ACSM1: variants seen among roughly 807,000 people sequenced by gnomAD.
ACSM1 encodes the protein acyl-CoA synthetase medium chain family member 1.
A neutral mutation model predicts 75.8 loss-of-function variants in ACSM1; 79 were observed. The ratio of observed to expected loss-of-function variants is 1.04; its 90% CI spans 0.87 to 1.26. The LOEUF (loss-of-function observed/expected upper bound fraction) is 1.26. ACSM1 is among the 50% of genes most tolerant of loss of function. The probability of loss-of-function intolerance (pLI) is 0.00; values close to 1 mark genes in which losing one functional copy is unlikely to be tolerated. For synonymous variants in ACSM1, 279 were observed against 265.8 expected, an observed-to-expected ratio of 1.05 and a Z score of -0.48; for missense variants, 676 against 720.1, an observed-to-expected ratio of 0.94 and a Z score of 0.70.
In ACSM1 at chr16:20,682,309, G is replaced by T. The variant is rs2079462838; in HGVS notation, c.558C>A (p.Leu186=). The T allele has an allele frequency of 1.9e-6, 3 of 1,613,914 alleles. No individual in the cohort carries two copies. Among genetic ancestry groups the T allele is most frequent in the Non-Finnish European group, 2.5e-6 (3 of 1,179,992 alleles). ...CTTCACGGCTGTGATCAGACACCAG[G>T]AGCTTGGTTTTCAGAGAGGGGCACT... is the stretch of plus-strand genomic sequence containing the variant. ...ASQCPSLKTK[L]LVSDHSREGW... is the part of the protein sequence containing the mutation. Residue 186 remains leucine (L), a synonymous_variant, in exon 4 of 14, where the codon CTC becomes CTA. Transcript: ENST00000520010.
At chr16:20,644,825 G>A (rs1478017501) in intron 7 of ACSM1, among the ~76,000 whole-genome samples, 1 of 152,214 alleles carries the variant, frequency 6.6e-6, no homozygotes, top group South Asian at 2.1e-4. Flanking sequence ...TTTGCTAAAA[G>A]TTAACGGTGT....
chr16:20,676,342 A>G (rs1292894684), intron 4 of ACSM1, among the ~76,000 whole-genome samples: 3 of 152,204 alleles, frequency 2.0e-5, no homozygotes, highest in African/African-American at 7.2e-5. Flanking sequence ...AGAAAAAGGC[A>G]ACCAATATAA....
intron 7 of ACSM1, among the ~76,000 whole-genome samples, chr16:20,660,245 C>G (rs2152255186): frequency 6.6e-6 from 1 of 152,260 alleles, no homozygotes; most frequent in South Asian, 2.1e-4. Context: ...AAAACAATCA[C>G]AAAATAATAA....
chr16:20,672,825 AAT>A (rs1324237401), intron 4 of ACSM1, among the ~76,000 whole-genome samples: 1 of 127,690 alleles, frequency 7.8e-6, no homozygotes, highest in Non-Finnish European at 1.5e-5. Flanking sequence ...TATATTATAT[AAT>A]ATATAAAAAT....
chr16:20,624,323 G>A, intron 12 of ACSM1, 108 bp from the exon 13 acceptor site: 1 of 1,327,292 alleles, frequency 7.5e-7, no homozygotes, highest in South Asian at 1.5e-5. Flanking sequence ...GAACCCTACA[G>A]TGTTTTGGAA....
At chr16:20,678,051 A>ATAAATAAATAAAT (rs1752444851) in intron 4 of ACSM1, among the ~76,000 whole-genome samples, 2 of 92,516 alleles carry the variant, frequency 2.2e-5, no homozygotes, top group African/African-American at 1.3e-4. Flanking sequence ...AATGAGACAA[A>ATAAATAAATAAAT]GAGGCAAAGC....
At chr16:20,627,366 A>T in intron 10 of ACSM1, 50 bp from the exon 11 acceptor site, 1 of 1,525,930 alleles carries the variant, frequency 6.6e-7, no homozygotes, top group Non-Finnish European at 8.7e-7. Flanking sequence ...TTTAGAGGTG[A>T]TGAGCCACAA....
At chr16:20,691,293 A>G in intron 1 of ACSM1, 54 bp from the exon 2 acceptor site, 1 of 981,902 alleles carries the variant, frequency 1.0e-6, no homozygotes, top group Non-Finnish European at 1.5e-6. Flanking sequence ...TTCTCCCTAA[A>G]TTGGGTGCAT....
At position 20,640,454 on chromosome 16, in the gene ACSM1, C is replaced by T. The variant is rs2017981401; in HGVS notation, c.1116+7G>A. On this transcript the variant is annotated splice_region_variant and intron_variant, in intron 8 of 13. Coordinates refer to ENST00000520010, the MANE Select transcript of ACSM1 (RefSeq NM_001318890.3). ...GTCTCAGACACTTTCTGGTTTGCACCACCTACCGTTTCCGACTGCCCATAG... is the reference window on the plus strand; with the variant it reads ...GTCTCAGACACTTTCTGGTTTGCACTACCTACCGTTTCCGACTGCCCATAG... 2 of 1,613,958 alleles carry T rather than the reference C, an allele frequency of 1.2e-6. No homozygotes were observed. Among genetic ancestry groups the T allele is most frequent in the Non-Finnish European group, 1.7e-6 (2 of 1,179,988 alleles).
intron 12 of ACSM1, among the ~76,000 whole-genome samples, chr16:20,624,902 G>C: frequency 6.6e-6 from 1 of 151,146 alleles, no homozygotes; most frequent in East Asian, 2.0e-4. Context: ...TGTATTTTTA[G>C]TAGAGGTGGG....
Position 20,671,547 on chromosome 16 carries a change from G to A in ACSM1, c.736C>T (p.Pro246Ser). ...AKHSHGLALQ[P>S]SFPGSRKLRS... ...CTTTCCTACCTTCCTGGGAAGGAGG[G>A]TTGTAAGGCCAACCCATGGGAGTGT... is the stretch of plus-strand genomic sequence containing the variant. Residue 246 changes from proline to serine, a missense_variant, in exon 5 of 14, where the codon CCC becomes TCC. Pro to Ser is a moderately conservative substitution (Grantham distance 74). Transcript: ENST00000520010. 2 of 1,611,034 alleles carry A rather than the reference G, an allele frequency of 1.2e-6. No homozygotes were observed. The highest frequency in any genetic ancestry group is 8.5e-7 in the Non-Finnish European group (1 of 1,178,880).
chr16:20,654,646 A>G (rs2018847419), intron 7 of ACSM1, among the ~76,000 whole-genome samples: 1 of 152,238 alleles, frequency 6.6e-6, no homozygotes, highest in Non-Finnish European at 1.5e-5. Flanking sequence ...AGACACATGA[A>G]AAAATGCTCA....
At chr16:20,635,400 TA>T (rs2017606674) in intron 10 of ACSM1, among the ~76,000 whole-genome samples, 1 of 152,152 alleles carries the variant, frequency 6.6e-6, no homozygotes, top group Admixed American at 6.6e-5. Flanking sequence ...TTTTTTTCTT[TA>T]AATATATTTC....
chr16:20,688,013 A>G (rs531827753), intron 2 of ACSM1, among the ~76,000 whole-genome samples: 54 of 151,812 alleles, frequency 3.6e-4, no homozygotes, highest in African/African-American at 1.3e-3. Flanking sequence ...TGAACCCAGG[A>G]GGTGGAGATT....
chr16:20,671,888 GAATCTTAAGTCATTT>G (rs2019930217), intron 4 of ACSM1, among the ~76,000 whole-genome samples: 1 of 152,192 alleles, frequency 6.6e-6, no homozygotes, highest in Admixed American at 6.5e-5. Context: ...AAAATACAAT[GAATCTTAAGTCATTT>G]AATCTTAAGT....
At position 20,640,506 on chromosome 16, in the gene ACSM1, T is replaced by C; in HGVS notation, c.1071A>G (p.Arg357=). The change falls in exon 8 of 14, where the codon AGA becomes AGG. Residue 357 remains arginine (R), a synonymous_variant. Coordinates refer to ENST00000520010, the MANE Select transcript of ACSM1 (RefSeq NM_001318890.3). Reference sequence around the variant, plus strand: ...TCTCGTAGAGCAGAAGGCCCGTCCGTCTTTTCCACTCCTCCTGATCCTTGG... The same window carrying C: ...TCTCGTAGAGCAGAAGGCCCGTCCGCCTTTTCCACTCCTCCTGATCCTTGG... The part of the protein sequence containing the change: ...VLPKDQEEWK[R]RTGLLLYENY... The C allele has an allele frequency of 6.2e-7, 1 of 1,614,180 alleles. No homozygotes were observed.
At chr16:20,657,292 T>A (rs927192017) in intron 7 of ACSM1, among the ~76,000 whole-genome samples, 16 of 150,880 alleles carry the variant, frequency 1.1e-4, no homozygotes, top group Admixed American at 7.2e-4. Flanking sequence ...TTGGGTTTGT[T>A]TTTTTGGTTT....
intron 4 of ACSM1, among the ~76,000 whole-genome samples, chr16:20,673,435 CATAAG>C (rs2020080440): frequency 6.6e-6 from 1 of 152,112 alleles, no homozygotes; most frequent in Non-Finnish European, 1.5e-5. Context: ...TAGACTACAG[CATAAG>C]ATGTGACTTT....
In ACSM1 at chr16:20,669,441, A is replaced by AACACACACACAC. The variant is rs71149170; in HGVS notation, c.912+374_912+385dup. On this transcript the variant is annotated intron_variant, in intron 6 of 13. Coordinates refer to ENST00000520010, the MANE Select transcript of ACSM1 (RefSeq NM_001318890.3). ...AACATTTTATCATATTGAGTAAGAA[A>AACACACACACAC]ACACACACACACACACACACACACA... 9.8e-3 allele frequency among the ~76,000 whole-genome samples: 1,382 copies of AACACACACACAC among 141,334 alleles called. 15 individuals carry two copies. Among genetic ancestry groups the AACACACACACAC allele is most frequent in the African/African-American group, 0.033 (1,263 of 37,926 alleles). 92.7% of individuals were successfully genotyped at this position (141,334 alleles called of 152,430 possible).
Sources: allele counts gnomAD v4.1 joint callset (sites outside exome capture counted in the v4.1 genomes callset), GRCh38; gene constraint gnomAD v4.1.1; transcripts MANE v1.5; gene names NCBI Gene and HGNC (gene_info 2026-07-23, HGNC 2026-07-21).